TICAM2: variants seen among roughly 807,000 people sequenced by gnomAD.
The protein encoded by TICAM2 is TIR domain containing adaptor molecule 2, also known as TIR domain-containing adapter molecule 2.
Under a neutral mutation model 7.3 loss-of-function variants are expected in TICAM2, and 8 were observed. That is an observed-to-expected ratio of 1.10 (90% CI 0.65 to 1.99). The LOEUF (loss-of-function observed/expected upper bound fraction) is 1.99, where lower values mean the gene tolerates loss of function less well. Ranked by LOEUF, TICAM2 falls within the 30% of genes most tolerant of loss-of-function variation. The pLI is 0.00. For synonymous variants in TICAM2, 113 were observed against 99.6 expected, an observed-to-expected ratio of 1.13 and a Z score of -0.80; for missense variants, 304 against 278.8, an observed-to-expected ratio of 1.09 and a Z score of -0.65.
chr5:115,583,085 C>A (rs189654295), intron 1 of TICAM2, among the ~76,000 whole-genome samples: 110 of 152,196 alleles, frequency 7.2e-4, no homozygotes, highest in Non-Finnish European at 1.1e-3. Context: ...AATAATAAAA[C>A]CAAATTAATT....
chr5:115,582,964 C>A (rs1005076973), intron 1 of TICAM2, among the ~76,000 whole-genome samples: 3 of 152,144 alleles, frequency 2.0e-5, no homozygotes, highest in African/African-American at 7.2e-5. Context: ...CTGACCACTC[C>A]GTCATTCACT....
intron 1 of TICAM2, among the ~76,000 whole-genome samples, chr5:115,590,253 T>A (rs914285275): frequency 6.6e-6 from 1 of 152,152 alleles, no homozygotes; most frequent in Non-Finnish European, 1.5e-5. Flanking sequence ...GGGGCTTCAG[T>A]GAGCCATGAT....
intron 1 of TICAM2, among the ~76,000 whole-genome samples, chr5:115,596,874 A>C (rs994104432): frequency 6.6e-6 from 1 of 152,190 alleles, no homozygotes; most frequent in Non-Finnish European, 1.5e-5. Context: ...AGCCGAGATC[A>C]CGCCACTGCA....
chr5:115,584,589 C>T (rs918140723), intron 1 of TICAM2, among the ~76,000 whole-genome samples: 3 of 152,126 alleles, frequency 2.0e-5, no homozygotes, highest in South Asian at 2.1e-4. Flanking sequence ...AATTGCTCTC[C>T]GTAGGGCTGA....
intron 1 of TICAM2, 32 bp from the exon 2 acceptor site, chr5:115,581,347 T>C (rs1580403767): frequency 1.3e-6 from 2 of 1,544,784 alleles, no homozygotes; most frequent in East Asian, 2.4e-5. Context: ...AAGAATATTA[T>C]AAATTTAATC....
intron 1 of TICAM2, among the ~76,000 whole-genome samples, chr5:115,593,179 T>A (rs745622434): frequency 3.9e-5 from 6 of 152,148 alleles, no homozygotes; most frequent in Non-Finnish European, 7.4e-5. Context: ...AGTAATCACA[T>A]TGACAATTAA....
rs2597 is a variant in TICAM2 at position 115,578,732 on chromosome 5, T to A, written c.*1817A>T. 2.0e-5 allele frequency: 3 copies of A among 152,030 alleles called. No homozygotes were observed. The highest frequency in any genetic ancestry group is 4.8e-5 in the African/African-American group (2 of 41,342). The allele number at this position is 152,030 out of a possible 1,614,324, so 9.4% of individuals were successfully genotyped here. ...GCAGGCATGAAGAGTGGGCAGTTCA[T>A]GTTTTATTAGTATATAAAATTGGCT... On this transcript the variant is annotated 3_prime_UTR_variant, in exon 2 of 2. Coordinates refer to ENST00000427199, the MANE Select transcript of TICAM2 (RefSeq NM_021649.7).
At chr5:115,594,038 A>C (rs1006486075) in intron 1 of TICAM2, among the ~76,000 whole-genome samples, 1 of 152,210 alleles carries the variant, frequency 6.6e-6, no homozygotes, top group African/African-American at 2.4e-5. Context: ...TTACTATATA[A>C]AAACAATTTT....
At chr5:115,586,047 G>C (rs1755092797) in intron 1 of TICAM2, among the ~76,000 whole-genome samples, 1 of 152,180 alleles carries the variant, frequency 6.6e-6, no homozygotes, top group Non-Finnish European at 1.5e-5. Context: ...TGGAGTGTAG[G>C]AGAAAGGTTC....
At chr5:115,592,863 C>G (rs1334144003) in intron 1 of TICAM2, among the ~76,000 whole-genome samples, 1 of 152,204 alleles carries the variant, frequency 6.6e-6, no homozygotes, top group Admixed American at 6.5e-5. Flanking sequence ...ATTGATGTGG[C>G]TGGGTGTGGT....
At chr5:115,590,326 C>T (rs1409618736) in intron 1 of TICAM2, among the ~76,000 whole-genome samples, 8 of 151,970 alleles carry the variant, frequency 5.3e-5, no homozygotes, top group East Asian at 1.9e-4. Flanking sequence ...GAAAAAGTTA[C>T]GTGAATATAA....
At chr5:115,593,405 C>CA (rs34153349) in intron 1 of TICAM2, among the ~76,000 whole-genome samples, 17 of 151,526 alleles carry the variant, frequency 1.1e-4, no homozygotes, top group Non-Finnish European at 1.8e-4. Context: ...GATAAAATTA[C>CA]AAAAAAAATG....
In TICAM2 at chr5:115,580,641, C is replaced by A; in HGVS notation, c.616G>T (p.Val206Leu). The change falls in exon 2 of 2, where the codon GTA becomes TTA. Residue 206 changes from valine (V) to leucine (L), a missense_variant. By Grantham distance (32) the Val-to-Leu change is conservative. Transcript: ENST00000427199. ...ACAGACTCCTGAAAAATTCTTTCTA[C>A]TTGTGTAGGAAATCCACGACTTTCT... The part of the protein sequence containing the change: ...EEESRGFPTQ[V>L]ERIFQESVYK... 6.3e-7 allele frequency: 1 copy of A among 1,583,548 alleles called. No homozygotes were observed. The highest frequency in any genetic ancestry group is 1.2e-5 in the South Asian group (1 of 85,160).
At chr5:115,586,076 T>C (rs1755094462) in intron 1 of TICAM2, among the ~76,000 whole-genome samples, 1 of 152,144 alleles carries the variant, frequency 6.6e-6, no homozygotes, top group Admixed American at 6.5e-5. Flanking sequence ...AGATGCATAT[T>C]TGGCCTTTAT....
intron 1 of TICAM2, among the ~76,000 whole-genome samples, chr5:115,601,661 G>T (rs373141449): frequency 6.6e-6 from 1 of 152,162 alleles, no homozygotes; most frequent in Non-Finnish European, 1.5e-5. Flanking sequence ...CTGAAAACTA[G>T]CTCACAGCTG....
At chr5:115,592,715 G>T (rs1294126108) in intron 1 of TICAM2, among the ~76,000 whole-genome samples, 1 of 152,118 alleles carries the variant, frequency 6.6e-6, no homozygotes, top group African/African-American at 2.4e-5. Flanking sequence ...TTATAGATCA[G>T]TCTAACTCAT....
chr5:115,589,806 T>C (rs1344518244), intron 1 of TICAM2, among the ~76,000 whole-genome samples: 1 of 152,246 alleles, frequency 6.6e-6, no homozygotes, highest in Non-Finnish European at 1.5e-5. Flanking sequence ...TCAACTTGTC[T>C]TATTCATCAC....
chr5:115,580,696 A>T lies in TICAM2; in HGVS notation c.561T>A (p.Phe187Leu). 6.3e-7 allele frequency: 1 copy of T among 1,596,630 alleles called. No homozygotes were observed. Among genetic ancestry groups the T allele is most frequent in the Non-Finnish European group, 8.5e-7 (1 of 1,173,686 alleles). Reference protein sequence around the residue: ...NNPLPRERTPFALQTINALEE... With the variant: ...NNPLPRERTPLALQTINALEE... ...CTAAGGCATTGATGGTTTGGAGGGC[A>T]AAGGGAGTCCTTTCTCGGGGAAGGG... The change falls in exon 2 of 2, where the codon TTT becomes TTA. Residue 187 changes from phenylalanine (F) to leucine (L), a missense_variant. Physicochemically the swap from Phe to Leu is conservative, Grantham distance 22. Coordinates refer to ENST00000427199, the MANE Select transcript of TICAM2 (RefSeq NM_021649.7).
intron 1 of TICAM2, among the ~76,000 whole-genome samples, chr5:115,593,504 A>G (rs1755389931): frequency 6.6e-6 from 1 of 152,352 alleles, no homozygotes; most frequent in African/African-American, 2.4e-5. Context: ...AATATTAGTG[A>G]GATAAAATAT....
Sources: allele counts gnomAD v4.1 joint callset (sites outside exome capture counted in the v4.1 genomes callset), GRCh38; gene constraint gnomAD v4.1.1; transcripts MANE v1.5; gene names NCBI Gene and HGNC (gene_info 2026-07-23, HGNC 2026-07-21).